The following KLB variants were observed in gnomAD, a reference collection of about 807,000 sequenced individuals.
The protein encoded by KLB is beta-klotho.
Under a neutral mutation model 88.4 loss-of-function variants are expected in KLB, and 44 were observed. The ratio of observed to expected loss-of-function variants is 0.50; its 90% CI spans 0.39 to 0.64. The LOEUF is 0.64. KLB is among the 30% of genes least tolerant of loss of function. The pLI, the probability that KLB is intolerant of heterozygous loss-of-function variation, is 0.00. For missense variants in KLB, 1,137 were observed against 1,304.8 expected (o/e 0.87, Z 1.98); for synonymous variants, 548 against 513.4 (o/e 1.07, Z -0.91).
chr4:39,414,976 G>A (rs1742937871), intron 1 of KLB, among the ~76,000 whole-genome samples: 1 of 151,860 alleles, frequency 6.6e-6, no homozygotes, highest in Admixed American at 6.6e-5. Context: ...ACAAAGTTTG[G>A]TGGGGGTTGG....
At position 39,435,835 on chromosome 4, in the gene KLB, C is replaced by A. The variant is rs142655993; in HGVS notation, c.1336+1115C>A. Among the ~76,000 whole-genome samples the A allele has an allele frequency of 2.0e-5, 3 of 152,302 alleles. No homozygotes were observed. The East Asian group carries it at 5.8e-4, about 29-fold the overall frequency. ...AGACTAGGGCTACACCCTTAATTGG[C>A]AAGAAGATGCTGTTTCATTCCTTAT... On this transcript the variant is annotated intron_variant, in intron 2 of 4. Transcript: ENST00000257408.
intron 1 of KLB, among the ~76,000 whole-genome samples, chr4:39,430,161 T>G (rs1743313371): frequency 6.6e-6 from 1 of 152,212 alleles, no homozygotes; most frequent in Admixed American, 6.5e-5. Flanking sequence ...AAATTTAGTG[T>G]CTGCAAAAGC....
At position 39,446,742 on chromosome 4, in the gene KLB, C is replaced by G; in HGVS notation, c.2016C>G (p.Ala672=). ...LNPSTAEAFQ[A]YAGLCFQELG... ...CATCGACGGCCGAGGCCTTCCAGGCCTACGCTGGGCTGTGCTTCCAGGAGC... is the reference window on the plus strand; with the variant it reads ...CATCGACGGCCGAGGCCTTCCAGGCGTACGCTGGGCTGTGCTTCCAGGAGC... Residue 672 remains alanine (A), a synonymous_variant, in exon 4 of 5, where the codon GCC becomes GCG. Transcript: ENST00000257408. This position sits in a 1 kb window ranked among gnomAD's most constrained non-coding sequence, Gnocchi z 6.4. The G allele has an allele frequency of 6.2e-7, 1 of 1,604,510 alleles. No individual in the cohort carries two copies. Among genetic ancestry groups the G allele is most frequent in the Non-Finnish European group, 8.5e-7 (1 of 1,174,968 alleles).
chr4:39,417,375 C>T (rs186369686), intron 1 of KLB, among the ~76,000 whole-genome samples: 1 of 152,216 alleles, frequency 6.6e-6, no homozygotes, highest in Non-Finnish European at 1.5e-5. Context: ...AGTGTAATGG[C>T]GTGATCTCAG....
rs149863801 is a variant in KLB, at chr4:39,440,175, T to G, written c.1605+2180T>G. ...TTCTTTTCTTTTTTGAGACAGAGTC[T>G]TACTGTGTTGCCCAGGCTGGTGTGC... On this transcript the variant is annotated intron_variant, in intron 3 of 4. Transcript: ENST00000257408. Among the ~76,000 whole-genome samples, 872 of 151,900 alleles carry G rather than the reference T, an allele frequency of 5.7e-3. 10 individuals carry two copies. The highest frequency in any genetic ancestry group is 0.02 in the African/African-American group (827 of 41,422).
At position 39,448,647 on chromosome 4, in the gene KLB, A is replaced by G; in HGVS notation, c.3096A>G (p.Gln1032=). The G allele has an allele frequency of 1.2e-6, 2 of 1,612,956 alleles. No individual in the cohort carries two copies. Among genetic ancestry groups the G allele is most frequent in the South Asian group, 2.2e-5 (2 of 91,078 alleles). The change falls in exon 5 of 5, where the codon CAA becomes CAG. Residue 1032 remains glutamine (Q), a synonymous_variant. Transcript: ENST00000257408. ...AGTTTTGGAAAGCAAAAAACTTACA[A>G]CACATACCATTAAAGAAAGGCAAGA... The part of the protein sequence containing the change: ...RRKFWKAKNL[Q]HIPLKKGKRV...
chr4:39,437,872 T>A lies in KLB; in HGVS notation c.1482T>A (p.Ser494=). ...NSKQKERKPK[S]SAHYYKQIIR... ...AACAGAAAGAGCGGAAACCTAAGTCTTCAGCACACTACTACAAACAGATCA... is the reference window on the plus strand; with the variant it reads ...AACAGAAAGAGCGGAAACCTAAGTCATCAGCACACTACTACAAACAGATCA... The change falls in exon 3 of 5, where the codon TCT becomes TCA. Residue 494 remains serine, a synonymous_variant. Coordinates refer to ENST00000257408, the MANE Select transcript of KLB (RefSeq NM_175737.4). 1 of 1,614,212 alleles carries A rather than the reference T, an allele frequency of 6.2e-7. No individual in the cohort carries two copies.
At chr4:39,430,942 G>A (rs1743345734) in intron 1 of KLB, among the ~76,000 whole-genome samples, 1 of 142,596 alleles carries the variant, frequency 7.0e-6, no homozygotes, top group Non-Finnish European at 1.5e-5. Flanking sequence ...CCTGAGTCAG[G>A]GTGTCACTCT....
chr4:39,446,259 G>A lies in KLB; in HGVS notation c.1606-73G>A, dbSNP rs926984768. On this transcript the variant is annotated intron_variant, in intron 3 of 4. Transcript: ENST00000257408. The surrounding 1 kb of genome is among the most constrained non-coding windows in gnomAD (Gnocchi z 6.4). Reference sequence around the variant, plus strand: ...GCCTGTAATCCCAGCACTTTGGGAGGCAGAGGTAGGCAGATCACTTGAGCC... The same window carrying A: ...GCCTGTAATCCCAGCACTTTGGGAGACAGAGGTAGGCAGATCACTTGAGCC... The A allele has an allele frequency of 5.1e-6, 7 of 1,385,262 alleles. No homozygotes were observed. Among genetic ancestry groups the A allele is most frequent in the African/African-American group, 4.3e-5 (3 of 70,358 alleles). The allele number at this position is 1,385,262 out of a possible 1,614,324, so 85.8% of individuals were successfully genotyped here. A position where few individuals can be genotyped will look rare whatever the true frequency, so the allele number is the denominator to read the frequency against.
intron 1 of KLB, 23 bp from the exon 2 acceptor site, chr4:39,434,187 T>A (rs1345879685): frequency 6.3e-7 from 1 of 1,576,176 alleles, no homozygotes; most frequent in South Asian, 1.2e-5. Flanking sequence ...ACAACAAAGA[T>A]CAATAATATT....
chr4:39,439,003 CTTT>C (rs1343702750), intron 3 of KLB, among the ~76,000 whole-genome samples: 8 of 139,918 alleles, frequency 5.7e-5, no homozygotes, highest in Admixed American at 7.2e-5. Context: ...TCTACTTCAT[CTTT>C]TTTTTTTTTT....
At chr4:39,443,470 C>T (rs888422447) in intron 3 of KLB, among the ~76,000 whole-genome samples, 10 of 152,022 alleles carry the variant, frequency 6.6e-5, no homozygotes, top group African/African-American at 2.4e-4. Context: ...GCTGGCCAGG[C>T]TCGATGGCTC....
chr4:39,430,419 A>AAAAAAAAT (rs1743320839), intron 1 of KLB, among the ~76,000 whole-genome samples: 1 of 151,078 alleles, frequency 6.6e-6, no homozygotes, highest in Non-Finnish European at 1.5e-5. Flanking sequence ...GAAAAAAAAA[A>AAAAAAAAT]AAGCGGTTCT....
At chr4:39,416,596 C>T (rs897449858) in intron 1 of KLB, among the ~76,000 whole-genome samples, 7 of 151,980 alleles carry the variant, frequency 4.6e-5, no homozygotes, top group African/African-American at 1.2e-4. Flanking sequence ...GCCTAAGCAA[C>T]GTAGTGAGAC....
intron 1 of KLB, among the ~76,000 whole-genome samples, chr4:39,417,749 T>A (rs1742994512): frequency 6.6e-6 from 1 of 152,230 alleles, no homozygotes; most frequent in African/African-American, 2.4e-5. Context: ...CATACTGTAA[T>A]ATCAGAAACA....
chr4:39,407,568 G>T lies in KLB; in HGVS notation c.619G>T (p.Gly207Trp). The change falls in exon 1 of 5, where the codon GGG becomes TGG. Residue 207 changes from glycine to tryptophan, a missense_variant. Transcript: ENST00000257408. ...DLPLALQEKY[G>W]GWKNDTIIDI... ...GCCTTTGGCACTACAAGAAAAATAT[G>T]GGGGGTGGAAAAATGATACCATAAT... The T allele has an allele frequency of 3.1e-6, 5 of 1,613,830 alleles. No individual in the cohort carries two copies. Among genetic ancestry groups the T allele is most frequent in the Non-Finnish European group, 3.4e-6 (4 of 1,179,762 alleles).
intron 2 of KLB, among the ~76,000 whole-genome samples, chr4:39,435,080 T>C (rs925198073): frequency 1.3e-5 from 2 of 152,044 alleles, no homozygotes; most frequent in Non-Finnish European, 2.9e-5. Context: ...GTGCTGGGAT[T>C]ACAGGCATGA....
chr4:39,448,316 A>T lies in KLB; in HGVS notation c.2765A>T (p.Lys922Ile), dbSNP rs1359819461. The change falls in exon 5 of 5, where the codon AAA becomes ATA. Residue 922 changes from lysine to isoleucine, a missense_variant. Physicochemically the swap from Lys to Ile is moderately radical, Grantham distance 102. Coordinates refer to ENST00000257408, the MANE Select transcript of KLB (RefSeq NM_175737.4). Reference sequence around the variant, plus strand: ...TCTTTTTCAGCATACCTGATTGATAAAGTCAGAATCAAAGGCTATTATGCA... The same window carrying T: ...TCTTTTTCAGCATACCTGATTGATATAGTCAGAATCAAAGGCTATTATGCA... ...QEVLKAYLIDKVRIKGYYAFK... is the reference protein window; with the variant it reads ...QEVLKAYLIDIVRIKGYYAFK... The T allele has an allele frequency of 6.3e-7, 1 of 1,592,096 alleles. No individual in the cohort carries two copies. The highest frequency in any genetic ancestry group is 8.6e-7 in the Non-Finnish European group (1 of 1,167,328).
At chr4:39,433,496 G>A (rs1743405906) in intron 1 of KLB, among the ~76,000 whole-genome samples, 1 of 152,148 alleles carries the variant, frequency 6.6e-6, no homozygotes, top group Non-Finnish European at 1.5e-5. Context: ...CTCATTTATA[G>A]GATTCAGGGC....
Sources: gnomAD v4.1 joint callset for allele counts (sites outside exome capture counted in the v4.1 genomes callset) on GRCh38, gnomAD v4.1.1 for gene constraint, Gnocchi (gnomAD v3.1) non-coding constraint, MANE v1.5 for transcripts, NCBI Gene and HGNC (gene_info 2026-07-23, HGNC 2026-07-21) for gene names.